DLG2: variants seen among roughly 807,000 people sequenced by gnomAD.
The protein encoded by DLG2 is disks large homolog 2.
In DLG2, 45 loss-of-function variants were observed where a neutral mutation model predicts 132.5. The observed-to-expected ratio is 0.34, with a 90% confidence interval of 0.27 to 0.44. DLG2 has a LOEUF of 0.44. Among genes scored for constraint, DLG2 ranks in the 20% least tolerant of loss-of-function variants. DLG2 has a pLI of 1.00. For missense variants in DLG2, 1,045 were observed against 1,196.9 expected (o/e 0.87, Z 1.87); for synonymous variants, 424 against 419.6 (o/e 1.01, Z -0.13).
intron 6 of DLG2, among the ~76,000 whole-genome samples, chr11:84,859,416 GTATACA>G (rs2083295352): frequency 7.2e-6 from 1 of 139,718 alleles, no homozygotes; most frequent in Admixed American, 7.2e-5. Flanking sequence ...ACATATATAT[GTATACA>G]TATACATATA....
At chr11:83,482,447 TGTA>T (rs2093198789) in intron 22 of DLG2, among the ~76,000 whole-genome samples, 1 of 152,048 alleles carries the variant, frequency 6.6e-6, no homozygotes, top group African/African-American at 2.4e-5. Flanking sequence ...AAAATCATAA[TGTA>T]GTATATTAAG....
chr11:84,899,532 C>A (rs2154069560), intron 6 of DLG2, among the ~76,000 whole-genome samples: 1 of 152,196 alleles, frequency 6.6e-6, no homozygotes, highest in South Asian at 2.1e-4. Context: ...TCTTCCATAA[C>A]TTCTCTTCTT....
intron 9 of DLG2, among the ~76,000 whole-genome samples, chr11:84,156,061 C>A (rs1294090955): frequency 6.6e-6 from 1 of 151,970 alleles, no homozygotes; most frequent in Non-Finnish European, 1.5e-5. Context: ...GGAAATAATT[C>A]AAAAATATAC....
chr11:85,217,965 G>A (rs1282618785), intron 4 of DLG2, among the ~76,000 whole-genome samples: 1 of 152,138 alleles, frequency 6.6e-6, no homozygotes, highest in African/African-American at 2.4e-5. Context: ...TGTACATTGT[G>A]AAAGGCGGGG....
At chr11:84,555,878 G>C (rs746986545) in intron 6 of DLG2, among the ~76,000 whole-genome samples, 1 of 152,156 alleles carries the variant, frequency 6.6e-6, no homozygotes, top group African/African-American at 2.4e-5. Flanking sequence ...CAAAGGGAGA[G>C]GGCAAAAGTT....
intron 3 of DLG2, among the ~76,000 whole-genome samples, chr11:85,385,420 C>T (rs999742124): frequency 6.6e-6 from 1 of 151,836 alleles, no homozygotes; most frequent in African/African-American, 2.4e-5. Context: ...TTATTTCTTC[C>T]CAAGTTTTAT....
chr11:84,991,938 C>T (rs1258154706), intron 6 of DLG2, among the ~76,000 whole-genome samples: 4 of 152,124 alleles, frequency 2.6e-5, no homozygotes, highest in Non-Finnish European at 5.9e-5. Flanking sequence ...TCTTTTTGGT[C>T]TAAATTTATC....
intron 6 of DLG2, among the ~76,000 whole-genome samples, chr11:84,643,597 G>C (rs1156785041): frequency 6.6e-6 from 1 of 152,086 alleles, no homozygotes; most frequent in Non-Finnish European, 1.5e-5. Flanking sequence ...TAAAATAGGG[G>C]AATCTTATCT....
At chr11:85,554,970 T>G (rs2076857087) in intron 3 of DLG2, among the ~76,000 whole-genome samples, 1 of 151,700 alleles carries the variant, frequency 6.6e-6, no homozygotes, top group African/African-American at 2.4e-5. Flanking sequence ...ACCAGTCTGC[T>G]GCACCCATTC....
intron 7 of DLG2, among the ~76,000 whole-genome samples, chr11:84,432,340 T>G (rs1278219197): frequency 6.6e-6 from 1 of 152,172 alleles, no homozygotes. Context: ...GTACAAGGTA[T>G]GATGACAGAG....
intron 9 of DLG2, among the ~76,000 whole-genome samples, chr11:84,105,446 A>C (rs183455311): frequency 6.6e-6 from 1 of 152,184 alleles, no homozygotes; most frequent in Admixed American, 6.5e-5. Context: ...TGTTAGTTCA[A>C]TTCCTTTGGT....
chr11:84,486,031 G>A (rs539267970), intron 7 of DLG2, among the ~76,000 whole-genome samples: 3 of 152,222 alleles, frequency 2.0e-5, no homozygotes, highest in East Asian at 3.9e-4. Context: ...ACATTTCTGT[G>A]CTTCGATCTG....
intron 7 of DLG2, among the ~76,000 whole-genome samples, chr11:84,438,698 C>G (rs2099008541): frequency 6.6e-6 from 1 of 152,176 alleles, no homozygotes; most frequent in Non-Finnish European, 1.5e-5. Context: ...TAAGAGACAA[C>G]TGTTTCTTCC....
intron 6 of DLG2, among the ~76,000 whole-genome samples, chr11:84,746,909 G>A (rs901717226): frequency 2.0e-5 from 3 of 152,120 alleles, no homozygotes; most frequent in African/African-American, 4.8e-5. Flanking sequence ...GTGCAACAAG[G>A]AGGTTGGCAT....
chr11:83,623,504 G>A (rs2061977200), intron 19 of DLG2, among the ~76,000 whole-genome samples: 1 of 152,200 alleles, frequency 6.6e-6, no homozygotes, highest in Non-Finnish European at 1.5e-5. Flanking sequence ...GATACTCACA[G>A]TCCAATGGAG....
rs146088425 is a variant in DLG2 at position 84,838,301 on chromosome 11, G to A, written c.357+273360C>T. Among the ~76,000 whole-genome samples, 8 of 151,862 alleles carry A rather than the reference G, an allele frequency of 5.3e-5. No individual in the cohort carries two copies. The East Asian group carries it at 1.6e-3, about 30-fold the overall frequency. On this transcript the variant is annotated intron_variant, in intron 6 of 27. Transcript: ENST00000376104. ...AGTTCCAAGAGGAGGTCTTATGTCT[G>A]CCTCAGAAAATGTTTCTTCACCAAC...
chr11:84,107,157 T>C (rs1042107848), intron 9 of DLG2, among the ~76,000 whole-genome samples: 15 of 151,642 alleles, frequency 9.9e-5, no homozygotes, highest in Non-Finnish European at 1.2e-4. Flanking sequence ...AAAGGGAGAT[T>C]GAAGGTACAG....
chr11:84,566,880 C>T (rs2099458490), intron 6 of DLG2, among the ~76,000 whole-genome samples: 1 of 152,178 alleles, frequency 6.6e-6, no homozygotes, highest in African/African-American at 2.4e-5. Context: ...TGAAGAGGGT[C>T]AGCTTTCCTT....
chr11:83,860,093 G>A (rs1440501851), intron 16 of DLG2, among the ~76,000 whole-genome samples: 2 of 152,182 alleles, frequency 1.3e-5, no homozygotes, highest in Non-Finnish European at 2.9e-5. Flanking sequence ...TTTGCTGCAG[G>A]GGTACAGTCC....
Sources: allele counts gnomAD v4.1 joint callset (sites outside exome capture counted in the v4.1 genomes callset), GRCh38; gene constraint gnomAD v4.1.1; transcripts MANE v1.5; gene names NCBI Gene and HGNC (gene_info 2026-07-23, HGNC 2026-07-21).